PSMD4: variants seen among roughly 807,000 people sequenced by gnomAD.
The protein encoded by PSMD4 is proteasome 26S subunit ubiquitin receptor, non-ATPase 4, also known as 26S proteasome non-ATPase regulatory subunit 4.
In PSMD4, 5 loss-of-function variants were observed where a neutral mutation model predicts 39.7. That is an observed-to-expected ratio of 0.13 (90% CI 0.07 to 0.26). The LOEUF is 0.26. Among genes scored for constraint, PSMD4 ranks in the 10% least tolerant of loss-of-function variants. PSMD4 has a pLI of 1.00. For synonymous variants in PSMD4, 143 were observed against 174.6 expected (o/e 0.82, Z 1.43); for missense variants, 272 against 486.1 (o/e 0.56, Z 4.14).
At chr1:151,259,312 A>G (rs1558320502) in intron 1 of PSMD4, 1 of 152,152 alleles carries the variant, frequency 6.6e-6, no homozygotes, top group Non-Finnish European at 1.5e-5. Context: ...ATTATACTTA[A>G]CCAGCGGAGT....
Position 151,266,634 on chromosome 1 carries a change from G to A in PSMD4, c.963+47G>A, listed in dbSNP as rs761310956. The A allele has an allele frequency of 9.4e-6, 15 of 1,594,460 alleles. No individual in the cohort carries two copies. In the South Asian group the frequency reaches 1.7e-4, roughly 18 times the overall value. Reference sequence around the variant, plus strand: ...ATCAGGTTTAAAGTCCTTGAATTTAGATCCTCATCCCTCTGGGGCTGGGAG... The same window carrying A: ...ATCAGGTTTAAAGTCCTTGAATTTAAATCCTCATCCCTCTGGGGCTGGGAG... On this transcript the variant is annotated intron_variant, in intron 9 of 9. Transcript: ENST00000368884.
At chr1:151,256,048 CTT>C (rs1468465588) in intron 1 of PSMD4, among the ~76,000 whole-genome samples, 4 of 130,040 alleles carry the variant, frequency 3.1e-5, no homozygotes, top group Non-Finnish European at 5.0e-5. Flanking sequence ...TGTATATCGT[CTT>C]TTGAAAAGTG....
rs1027420907 is a variant in PSMD4, at chr1:151,265,104, C to T, written c.370-62C>T. 2.0e-5 allele frequency: 27 copies of T among 1,379,010 alleles called. No individual in the cohort carries two copies. In the South Asian group the frequency reaches 2.5e-4, roughly 13 times the overall value. 85.4% of individuals were successfully genotyped at this position (1,379,010 alleles called of 1,614,324 possible). A position where few individuals can be genotyped will look rare whatever the true frequency, so the allele number is the denominator to read the frequency against. Reference sequence around the variant, plus strand: ...TAGATTTCTGTATGCTTTTATGCGGCGGGTCCTTTCCCCCCCTCGAGTATG... The same window carrying T: ...TAGATTTCTGTATGCTTTTATGCGGTGGGTCCTTTCCCCCCCTCGAGTATG... On this transcript the variant is annotated intron_variant, in intron 4 of 9. Coordinates refer to ENST00000368884, the MANE Select transcript of PSMD4 (RefSeq NM_002810.4).
Position 151,254,857 on chromosome 1 carries a change from G to T in PSMD4, c.26+49G>T, listed in dbSNP as rs587637226. On this transcript the variant is annotated intron_variant, in intron 1 of 9. Coordinates refer to ENST00000368884, the MANE Select transcript of PSMD4 (RefSeq NM_002810.4). ...AGGGGCAGAGCTGGGTTCCGGGCGCGTGTAGCGCCAAGGCAGGGAGGGCCT... is the reference window on the plus strand; with the variant it reads ...AGGGGCAGAGCTGGGTTCCGGGCGCTTGTAGCGCCAAGGCAGGGAGGGCCT... 1.1e-5 allele frequency: 16 copies of T among 1,446,758 alleles called. No individual in the cohort carries two copies. The South Asian group carries it at 1.5e-4, about 13-fold the overall frequency. 89.6% of individuals were successfully genotyped at this position (1,446,758 alleles called of 1,614,324 possible). A position where few individuals can be genotyped will look rare whatever the true frequency, so the allele number is the denominator to read the frequency against.
At position 151,266,106 on chromosome 1, in the gene PSMD4, A is replaced by G. The variant is rs1469310884; in HGVS notation, c.757A>G (p.Thr253Ala). 6.2e-7 allele frequency: 1 copy of G among 1,604,780 alleles called. No individual in the cohort carries two copies. The highest frequency in any genetic ancestry group is 8.5e-7 in the Non-Finnish European group (1 of 1,175,820). ...TGAGGCCGGGATTGCTACGACTGGG[A>G]CTGAAGGTGAAAGAGGTGGAATCCG... ...AAEAGIATTG[T>A]EDSDDALLKM... Residue 253 changes from threonine to alanine, a missense_variant, in exon 7 of 10, where the codon ACT becomes GCT. Physicochemically the swap from Thr to Ala is moderately conservative, Grantham distance 58. Coordinates refer to ENST00000368884, the MANE Select transcript of PSMD4 (RefSeq NM_002810.4).
intron 1 of PSMD4, among the ~76,000 whole-genome samples, chr1:151,260,082 C>A (rs1241793253): frequency 6.6e-6 from 1 of 151,884 alleles, no homozygotes; most frequent in Non-Finnish European, 1.5e-5. Context: ...GCCTGTTATC[C>A]CAGCTACTTA....
intron 1 of PSMD4, 120 bp downstream of exon 1, chr1:151,254,928 G>C: frequency 8.0e-7 from 1 of 1,250,620 alleles, no homozygotes; most frequent in Non-Finnish European, 1.1e-6. Flanking sequence ...CCCTGGCCCC[G>C]GAGGTAAGGA....
chr1:151,263,610 C>T (rs1017494930), intron 2 of PSMD4, among the ~76,000 whole-genome samples: 8 of 152,028 alleles, frequency 5.3e-5, no homozygotes, highest in Non-Finnish European at 8.8e-5. Flanking sequence ...GGGCGGATTA[C>T]GAGGTCAGGA....
intron 1 of PSMD4, 28 bp from the exon 2 acceptor site, chr1:151,262,133 C>G (rs1036165771): frequency 9.9e-6 from 16 of 1,613,420 alleles, no homozygotes; most frequent in African/African-American, 1.3e-5. Flanking sequence ...CATTTCTTCT[C>G]TCTTGTCCTT....
rs144144336 is a variant in PSMD4 at position 151,260,931 on chromosome 1, G to T, written c.27-1230G>T. 7.3e-3 allele frequency among the ~76,000 whole-genome samples: 1,094 copies of T among 149,152 alleles called. 14 individuals carry two copies. The highest frequency in any genetic ancestry group is 0.025 in the African/African-American group (1,022 of 40,374). ...CGTGATCTTGACTCACTGCAACCTCGGCCTCCCGGGTTCAAGCAATTCTCC... is the reference window on the plus strand; with the variant it reads ...CGTGATCTTGACTCACTGCAACCTCTGCCTCCCGGGTTCAAGCAATTCTCC... On this transcript the variant is annotated intron_variant, in intron 1 of 9. Coordinates refer to ENST00000368884, the MANE Select transcript of PSMD4 (RefSeq NM_002810.4).
chr1:151,266,122 G>A lies in PSMD4; in HGVS notation c.763+10G>A. On this transcript the variant is annotated intron_variant, in intron 7 of 9. Coordinates refer to ENST00000368884, the MANE Select transcript of PSMD4 (RefSeq NM_002810.4). ...ACGACTGGGACTGAAGGTGAAAGAG[G>A]TGGAATCCGAAGTCCTGGGACTGCG... The A allele has an allele frequency of 1.9e-6, 3 of 1,601,682 alleles. No individual in the cohort carries two copies. The highest frequency in any genetic ancestry group is 1.1e-5 in the South Asian group (1 of 89,022).
At chr1:151,257,678 G>A (rs1287876414) in intron 1 of PSMD4, among the ~76,000 whole-genome samples, 1 of 148,898 alleles carries the variant, frequency 6.7e-6, no homozygotes, top group African/African-American at 2.5e-5. Flanking sequence ...CTTCTGAGTA[G>A]CTGGGATTCC....
At position 151,264,874 on chromosome 1, in the gene PSMD4, A is replaced by G; in HGVS notation, c.325A>G (p.Ile109Val). ...ACAAGGCAAGAATCACAAGATGCGC[A>G]TCATTGCCTTTGTGGGAAGCCCAGT... ...HRQGKNHKMR[I>V]IAFVGSPVED... The change falls in exon 4 of 10, where the codon ATC (isoleucine) becomes GTC (valine). Residue 109 changes from isoleucine to valine, a missense_variant. Physicochemically the swap from Ile to Val is conservative, Grantham distance 29. Coordinates refer to ENST00000368884, the MANE Select transcript of PSMD4 (RefSeq NM_002810.4). The G allele has an allele frequency of 1.2e-6, 2 of 1,613,956 alleles. No individual in the cohort carries two copies. Among genetic ancestry groups the G allele is most frequent in the Non-Finnish European group, 1.7e-6 (2 of 1,179,946 alleles).
At chr1:151,258,265 T>C (rs1406632472) in intron 1 of PSMD4, among the ~76,000 whole-genome samples, 1 of 151,840 alleles carries the variant, frequency 6.6e-6, no homozygotes, top group Non-Finnish European at 1.5e-5. Context: ...TGACCTCAGG[T>C]GATCCACCAG....
rs1243680516 is a variant in PSMD4 at position 151,265,381 on chromosome 1, C to T, written c.439-13C>T. The T allele has an allele frequency of 1.2e-6, 2 of 1,613,728 alleles. No homozygotes were observed. The highest frequency in any genetic ancestry group is 1.1e-5 in the South Asian group (1 of 91,054). ...GGCCTGAAGAAGGGCATCATGTGTTCTTTCCTCCCCAGGAGGTGAACACAG... is the reference window on the plus strand; with the variant it reads ...GGCCTGAAGAAGGGCATCATGTGTTTTTTCCTCCCCAGGAGGTGAACACAG... On this transcript the variant is annotated splice_polypyrimidine_tract_variant and intron_variant, in intron 5 of 9. Transcript: ENST00000368884.
rs138949811 is a variant in PSMD4 at position 151,263,399 on chromosome 1, G to A, written c.168-515G>A. On this transcript the variant is annotated intron_variant, in intron 2 of 9. Coordinates refer to ENST00000368884, the MANE Select transcript of PSMD4 (RefSeq NM_002810.4). ...GAATTACTTGAACCCGGGAGGCGGA[G>A]GTTGCAGTGAGCTGAGATTCGCCAC... Among the ~76,000 whole-genome samples, 1,112 of 152,172 alleles carry A rather than the reference G, an allele frequency of 7.3e-3. 17 individuals are homozygous for A. The highest frequency in any genetic ancestry group is 0.025 in the African/African-American group (1,045 of 41,510).
At position 151,267,457 on chromosome 1, in the gene PSMD4, T is replaced by C. The variant is rs1300624521; in HGVS notation, c.*114T>C. The C allele has an allele frequency of 1.2e-5, 15 of 1,220,620 alleles. No individual in the cohort carries two copies. The East Asian group carries it at 3.5e-4, about 28-fold the overall frequency. The allele number at this position is 1,220,620 out of a possible 1,614,324, so 75.6% of individuals were successfully genotyped here. On this transcript the variant is annotated 3_prime_UTR_variant, in exon 10 of 10. Transcript: ENST00000368884. The stretch of plus-strand genomic sequence containing the variant: ...TACAGCCTAAATAAAGCTTGGCAAC[T>C]TTTTTTCCTTTTTTGCTTCAAATAT...
chr1:151,254,790 T>G lies in PSMD4; in HGVS notation c.8T>G (p.Leu3Trp). 6.4e-7 allele frequency: 1 copy of G among 1,564,350 alleles called. No individual in the cohort carries two copies. Among genetic ancestry groups the G allele is most frequent in the South Asian group, 1.2e-5 (1 of 85,142 alleles). ...AGGGAGGAAGGTGGCAAGATGGTGT[T>G]GGAAAGCACTATGGTGTGGTGAGGA... MV[L>W]ESTMVCVDNS... The change falls in exon 1 of 10, where the codon TTG becomes TGG. Residue 3 changes from leucine (L) to tryptophan (W), a missense_variant. Leu to Trp is a moderately conservative substitution (Grantham distance 61). Transcript: ENST00000368884.
In PSMD4 at chr1:151,265,533, G is replaced by A; in HGVS notation, c.578G>A (p.Gly193Asp). 1 of 1,614,218 alleles carries A rather than the reference G, an allele frequency of 6.2e-7. No homozygotes were observed. The highest frequency in any genetic ancestry group is 8.5e-7 in the Non-Finnish European group (1 of 1,180,042). ...AGTTCTCCGATTTTGGCTGGTGAAGGTGGTGCCATGCTGGGTCTTGGTGCC... is the reference window on the plus strand; with the variant it reads ...AGTTCTCCGATTTTGGCTGGTGAAGATGGTGCCATGCTGGGTCTTGGTGCC... The part of the protein sequence containing the change: ...LISSPILAGE[G>D]GAMLGLGASD... Residue 193 changes from glycine (G) to aspartate (D), a missense_variant, in exon 6 of 10, where the codon GGT becomes GAT. Transcript: ENST00000368884.
Sources: allele counts gnomAD v4.1 joint callset (sites outside exome capture counted in the v4.1 genomes callset), GRCh38; gene constraint gnomAD v4.1.1; transcripts MANE v1.5; gene names NCBI Gene and HGNC (gene_info 2026-07-23, HGNC 2026-07-21).